Variants in PRICKLE2 observed in about 807,000 individuals in gnomAD.
PRICKLE2 encodes the protein prickle-like protein 2.
Under a neutral mutation model 81.4 loss-of-function variants are expected in PRICKLE2, and 21 were observed. The ratio of observed to expected loss-of-function variants is 0.26; its 90% confidence interval spans 0.18 to 0.37. The LOEUF (loss-of-function observed/expected upper bound fraction) is 0.37. Ranked by LOEUF, PRICKLE2 falls within the 10% of genes least tolerant of loss-of-function variation. The pLI is 1.00. For synonymous variants in PRICKLE2, 456 were observed against 421.5 expected, an observed-to-expected ratio of 1.08 and a Z score of -1.00; for missense variants, 940 against 1,109.0, an observed-to-expected ratio of 0.85 and a Z score of 2.16.
intron 7 of PRICKLE2, among the ~76,000 whole-genome samples, chr3:64,142,316 T>C (rs1208881156): frequency 2.0e-5 from 3 of 148,212 alleles, no homozygotes; most frequent in Non-Finnish European, 3.0e-5. Context: ...TTTCTTTCTT[T>C]TTTTTTTTTT....
chr3:64,241,882 T>C (rs1327301154), intron 2 of PRICKLE2, among the ~76,000 whole-genome samples: 1 of 152,164 alleles, frequency 6.6e-6, no homozygotes, highest in Non-Finnish European at 1.5e-5. Context: ...TTTGTTTCCC[T>C]ACAAAACAAA....
intron 7 of PRICKLE2, chr3:64,101,116 C>G (rs1158738106): frequency 6.6e-6 from 1 of 152,164 alleles, no homozygotes; most frequent in Admixed American, 6.5e-5. Flanking sequence ...CTCTGAATAT[C>G]CTTGGCCATT....
At chr3:64,104,371 T>C (rs2076720716) in intron 7 of PRICKLE2, 2 of 152,224 alleles carry the variant, frequency 1.3e-5, no homozygotes, top group African/African-American at 2.4e-5. Context: ...GTGGACACAA[T>C]GATCTTTGCA....
At chr3:64,138,388 A>T (rs972968180) in intron 7 of PRICKLE2, among the ~76,000 whole-genome samples, 14 of 152,226 alleles carry the variant, frequency 9.2e-5, no homozygotes, top group African/African-American at 3.1e-4. Flanking sequence ...CAATTCTGGT[A>T]CTTTTGGTGA....
At chr3:64,215,305 C>T (rs1423281488) in intron 1 of PRICKLE2, among the ~76,000 whole-genome samples, 6 of 152,170 alleles carry the variant, frequency 3.9e-5, no homozygotes, top group Non-Finnish European at 7.3e-5. Context: ...ATCTTTGCAG[C>T]AGCTGCTCCT....
rs778956632 is a variant in PRICKLE2, at chr3:64,147,068, C to T, written c.1422G>A (p.Pro474=). Reference sequence around the variant, plus strand: ...AGCTCTCCTGAGATCTCAGCCTCCCCGGGTAATAGTCTTCTCGGCATTCCT... The same window carrying T: ...AGCTCTCCTGAGATCTCAGCCTCCCTGGGTAATAGTCTTCTCGGCATTCCT... The part of the protein sequence containing the change: ...FIKECREDYY[P]GRLRSQESYS... Residue 474 remains proline (P), a synonymous_variant, in exon 7 of 8, where the codon CCG becomes CCA. Coordinates refer to ENST00000638394, the MANE Select transcript of PRICKLE2 (RefSeq NM_198859.4). The surrounding 1 kb of genome is among the most constrained non-coding windows in gnomAD (Gnocchi z 5.0). The T allele has an allele frequency of 2.4e-5, 38 of 1,614,018 alleles. No individual in the cohort carries two copies. The highest frequency in any genetic ancestry group is 1.6e-4 in the Middle Eastern group (1 of 6,084).
chr3:64,147,829 A>G lies in PRICKLE2; in HGVS notation c.788-127T>C, dbSNP rs2077482793. On this transcript the variant is annotated intron_variant, in intron 6 of 7. Coordinates refer to ENST00000638394, the MANE Select transcript of PRICKLE2 (RefSeq NM_198859.4). This position sits in a 1 kb window ranked among gnomAD's most constrained non-coding sequence, Gnocchi z 5.0. ...CGGCAGGATAAACTGTCAATAAATC[A>G]ACAATCAGACCCTTATGTAAATGGT... is the stretch of plus-strand genomic sequence containing the variant. 3.1e-6 allele frequency: 3 copies of G among 968,472 alleles called. No homozygotes were observed. Among genetic ancestry groups the G allele is most frequent in the Non-Finnish European group, 4.9e-6 (3 of 615,814 alleles). 60.0% of individuals were successfully genotyped at this position (968,472 alleles called of 1,614,324 possible).
At chr3:64,204,709 G>A (rs758177718) in intron 1 of PRICKLE2, among the ~76,000 whole-genome samples, 17 of 151,954 alleles carry the variant, frequency 1.1e-4, no homozygotes, top group African/African-American at 2.7e-4. Flanking sequence ...CTAGCTGCCC[G>A]CCTTCCACTT....
intron 7 of PRICKLE2, among the ~76,000 whole-genome samples, chr3:64,132,453 C>G (rs1376815840): frequency 6.6e-6 from 1 of 152,184 alleles, no homozygotes; most frequent in African/African-American, 2.4e-5. Context: ...TTCTATCTAT[C>G]TCCTTCATTA....
chr3:64,106,352 T>C (rs573295656), intron 7 of PRICKLE2, among the ~76,000 whole-genome samples: 1 of 152,346 alleles, frequency 6.6e-6, no homozygotes, highest in Non-Finnish European at 1.5e-5. Context: ...TAAAGTTGTA[T>C]TGGAACACAA....
Position 64,162,997 on chromosome 3 carries a change from G to GC in PRICKLE2, c.258+18dup. The stretch of plus-strand genomic sequence containing the variant: ...AAGGCACTAAGAAAATTCTGCATAA[G>GC]CCCCCTCTAGCCCCTTACCTCATTG... On this transcript the variant is annotated intron_variant, in intron 3 of 7. Transcript: ENST00000638394. The GC allele has an allele frequency of 6.7e-7, 1 of 1,488,680 alleles. No homozygotes were observed. The allele number at this position is 1,488,680 out of a possible 1,614,324, so 92.2% of individuals were successfully genotyped here.
At position 64,245,120 on chromosome 3, in the gene PRICKLE2, G is replaced by A. The variant is rs1043835808; in HGVS notation, c.129-46153C>T. Among the ~76,000 whole-genome samples the A allele has an allele frequency of 2.6e-5, 4 of 152,188 alleles. No homozygotes were observed. In the South Asian group the frequency reaches 6.2e-4, roughly 24 times the overall value. On this transcript the variant is annotated intron_variant, in intron 2 of 8. Transcript: ENST00000295902. ...AGCCGATTTTTCTAAGAGAAAAAAT[G>A]TGTGTTCACTGGATAATGCTAGAAT...
At chr3:64,220,399 C>G (rs2078933307) in intron 1 of PRICKLE2, among the ~76,000 whole-genome samples, 1 of 152,186 alleles carries the variant, frequency 6.6e-6, no homozygotes, top group Non-Finnish European at 1.5e-5. Flanking sequence ...CGAGGCAACT[C>G]AAGTCAGCCA....
intron 7 of PRICKLE2, among the ~76,000 whole-genome samples, chr3:64,140,629 G>A (rs695935): frequency 0.61 from 91,949 of 151,938 alleles, 28,185 homozygotes; most frequent in East Asian, 0.86. Flanking sequence ...CCAGTGTGTG[G>A]CTTGAGCCCT....
At position 64,147,119 on chromosome 3, in the gene PRICKLE2, C is replaced by T. The variant is rs201170479; in HGVS notation, c.1371G>A (p.Met457Ile). The T allele has an allele frequency of 1.4e-5, 22 of 1,614,200 alleles. No individual in the cohort carries two copies. The highest frequency in any genetic ancestry group is 6.7e-5 in the Admixed American group (4 of 60,024). Residue 457 changes from methionine (M) to isoleucine (I), a missense_variant, in exon 7 of 8, where the codon ATG becomes ATA. Physicochemically the swap from Met to Ile is conservative, Grantham distance 10. Coordinates refer to ENST00000638394, the MANE Select transcript of PRICKLE2 (RefSeq NM_198859.4). The surrounding 1 kb of genome is among the most constrained non-coding windows in gnomAD (Gnocchi z 5.0). ...SNPKRSSSLA[M>I]TGHAGSFIKE... The stretch of plus-strand genomic sequence containing the variant: ...TGATGAAGCTGCCAGCATGTCCTGT[C>T]ATGGCCAGTGACGAGCTCCTTTTGG...
chr3:64,164,058 G>A (rs1448244458), intron 2 of PRICKLE2: 1 of 152,126 alleles, frequency 6.6e-6, no homozygotes, highest in African/African-American at 2.4e-5. Context: ...TGGAGAAGAT[G>A]GAAGACTGAG....
chr3:64,238,502 A>G (rs1313965858), intron 2 of PRICKLE2, among the ~76,000 whole-genome samples: 2 of 149,916 alleles, frequency 1.3e-5, no homozygotes, highest in Non-Finnish European at 3.0e-5. Flanking sequence ...AAAAAAAAAG[A>G]AAAAAGAAAA....
intron 2 of PRICKLE2, among the ~76,000 whole-genome samples, chr3:64,252,684 GT>G (rs1559605174): frequency 6.6e-6 from 1 of 152,152 alleles, no homozygotes; most frequent in East Asian, 1.9e-4. Flanking sequence ...GGAAACTTTT[GT>G]GAAAGACTTG....
At chr3:64,138,718 C>T (rs920414175) in intron 7 of PRICKLE2, among the ~76,000 whole-genome samples, 2 of 152,210 alleles carry the variant, frequency 1.3e-5, no homozygotes, top group African/African-American at 4.8e-5. Flanking sequence ...CTATGCATTT[C>T]CCAAGTATAT....
Sources: allele counts gnomAD v4.1 joint callset (sites outside exome capture counted in the v4.1 genomes callset), GRCh38; gene constraint gnomAD v4.1.1; non-coding constraint Gnocchi (gnomAD v3.1); transcripts MANE v1.5; gene names NCBI Gene and HGNC (gene_info 2026-07-23, HGNC 2026-07-21).